The following SPIRE2 variants were observed in gnomAD, a reference collection of about 807,000 sequenced individuals.
SPIRE2 encodes the protein spire type actin nucleation factor 2, also known as protein spire homolog 2.
A neutral mutation model predicts 80.7 loss-of-function variants in SPIRE2; 76 were observed. The ratio of observed to expected loss-of-function variants is 0.94; its 90% CI spans 0.78 to 1.14. The LOEUF is 1.14. SPIRE2 is among the 50% of genes most tolerant of loss of function. The pLI is 0.00. For synonymous variants in SPIRE2, 535 were observed against 432.6 expected (o/e 1.24, Z -2.94); for missense variants, 1,196 against 1,015.3 (o/e 1.18, Z -2.42).
chr16:89,858,237 A>G (rs1265885774), intron 7 of SPIRE2, 101 bp from the exon 8 acceptor site: 1 of 1,250,302 alleles, frequency 8.0e-7, no homozygotes, highest in Non-Finnish European at 1.1e-6. Flanking sequence ...CCCTTCTGCA[A>G]AGTCAGGGAA....
chr16:89,848,046 G>A (rs1348320256), intron 2 of SPIRE2, among the ~76,000 whole-genome samples: 1 of 152,212 alleles, frequency 6.6e-6, no homozygotes, highest in African/African-American at 2.4e-5. Context: ...ACGAGCTGAG[G>A]CCAGCCCCAC....
intron 1 of SPIRE2, among the ~76,000 whole-genome samples, chr16:89,842,464 C>T (rs765935185): frequency 1.4e-3 from 207 of 152,230 alleles, no homozygotes; most frequent in African/African-American, 4.2e-3. Context: ...CCACCCACTT[C>T]GGCCTCCCGA....
In SPIRE2 at chr16:89,830,416, C is replaced by T. The variant is rs562922694; in HGVS notation, c.244+1622C>T. Among the ~76,000 whole-genome samples the T allele has an allele frequency of 1.4e-3, 211 of 151,366 alleles. 8 individuals carry two copies. The South Asian group carries it at 0.031, about 22-fold the overall frequency. The stretch of plus-strand genomic sequence containing the variant: ...AGGCGAATGAGTTTTATGACTTGCT[C>T]TCTCTTGAAGGTTTAAGAAAAATCT... On this transcript the variant is annotated intron_variant, in intron 1 of 14. Transcript: ENST00000378247.
chr16:89,851,639 ACTCT>A (rs2041628986), intron 3 of SPIRE2, among the ~76,000 whole-genome samples: 2 of 151,494 alleles, frequency 1.3e-5, no homozygotes, highest in African/African-American at 4.8e-5. Context: ...TCCCTCTCTG[ACTCT>A]CTCAGCCTCT....
chr16:89,858,906 C>T (rs2041717071), intron 8 of SPIRE2, among the ~76,000 whole-genome samples: 1 of 152,204 alleles, frequency 6.6e-6, no homozygotes, highest in Non-Finnish European at 1.5e-5. Flanking sequence ...TGGTGATGGC[C>T]TTGTTGGGGG....
Position 89,834,415 on chromosome 16 carries a change from C to T in SPIRE2, c.244+5621C>T, listed in dbSNP as rs1427707694. Among the ~76,000 whole-genome samples the T allele has an allele frequency of 1.9e-4, 19 of 99,734 alleles. 1 individual carries two copies. The highest frequency in any genetic ancestry group is 4.8e-4 in the African/African-American group (14 of 29,414). 65.4% of individuals were successfully genotyped at this position (99,734 alleles called of 152,430 possible). A position where few individuals can be genotyped will look rare whatever the true frequency, so the allele number is the denominator to read the frequency against. ...GCCCGTGTGAATCTGTGAACCTGCC[C>T]GCACTCGCGGTTGGCCATCGTAGAA... On this transcript the variant is annotated intron_variant, in intron 1 of 14. Transcript: ENST00000378247.
At position 89,856,194 on chromosome 16, in the gene SPIRE2, C is replaced by T. The variant is rs199970599; in HGVS notation, c.1060C>T (p.Arg354Trp). 1.4e-5 allele frequency: 23 copies of T among 1,601,922 alleles called. No homozygotes were observed. Among genetic ancestry groups the T allele is most frequent in the Admixed American group, 3.4e-5 (2 of 58,072 alleles). The change falls in exon 7 of 15, where the codon CGG becomes TGG. Residue 354 changes from arginine (R) to tryptophan (W), a missense_variant. Transcript: ENST00000378247. ...GATCCTGGAGGAGATCAAGCAGGAG[C>T]GGAGGCTGCGCCCGGTGCGGGGCGA... ...EKILEEIKQE[R>W]RLRPVRGEGW... is the part of the protein sequence containing the mutation.
In SPIRE2 at chr16:89,850,307, G is replaced by C; in HGVS notation, c.292G>C (p.Val98Leu). 1 of 1,602,366 alleles carries C rather than the reference G, an allele frequency of 6.2e-7. No individual in the cohort carries two copies. The highest frequency in any genetic ancestry group is 1.7e-5 in the Admixed American group (1 of 59,526). The change falls in exon 3 of 15, where the codon GTG (valine) becomes CTG (leucine). Residue 98 changes from valine to leucine, a missense_variant. Val to Leu is a conservative substitution (Grantham distance 32). Transcript: ENST00000378247. ...TGACCGCGCCCCTGTCCCGCAGACC[G>C]TGCAGTCCCTCGGCTTCGCCATCTA... ...VPLASSEAQT[V>L]QSLGFAIYRA...
At chr16:89,838,423 ATCGGCCTGCC>A (rs2041471991) in intron 1 of SPIRE2, among the ~76,000 whole-genome samples, 1 of 152,062 alleles carries the variant, frequency 6.6e-6, no homozygotes, top group Non-Finnish European at 1.5e-5. Flanking sequence ...ACCTCAGGTG[ATCGGCCTGCC>A]TCGGCCTCCC....
At position 89,858,417 on chromosome 16, in the gene SPIRE2, A is replaced by G; in HGVS notation, c.1182A>G (p.Thr394=). 1 of 1,612,122 alleles carries G rather than the reference A, an allele frequency of 6.2e-7. No homozygotes were observed. Among genetic ancestry groups the G allele is most frequent in the Non-Finnish European group, 8.5e-7 (1 of 1,179,624 alleles). The change falls in exon 8 of 15, where the codon ACA becomes ACG. Residue 394 remains threonine, a synonymous_variant. Coordinates refer to ENST00000378247, the MANE Select transcript of SPIRE2 (RefSeq NM_032451.2). ...KSTSCINLSV[T]DAGGSAQRPR... ...CCTCCTGCATCAACCTGTCAGTCAC[A>G]GATGCTGGGGGCAGCGCCCAGCGCC...
rs376787173 is a variant in SPIRE2, at chr16:89,865,965, C to CAAA, written c.1778+2124_1778+2126dup. 3.7e-3 allele frequency among the ~76,000 whole-genome samples: 214 copies of CAAA among 57,230 alleles called. 4 individuals are homozygous for CAAA. The highest frequency in any genetic ancestry group is 0.012 in the African/African-American group (168 of 14,148). 37.5% of individuals were successfully genotyped at this position (57,230 alleles called of 152,430 possible). On this transcript the variant is annotated intron_variant, in intron 12 of 14. Coordinates refer to ENST00000378247, the MANE Select transcript of SPIRE2 (RefSeq NM_032451.2). ...ACTGGGCAACAGAGGGAGACTGTCTCAAAAAAAAAAAAAAAAAAAAAAGGT... is the reference window on the plus strand; with the variant it reads ...ACTGGGCAACAGAGGGAGACTGTCTCAAAAAAAAAAAAAAAAAAAAAAAAAGGT...
In SPIRE2 at chr16:89,863,398, G is replaced by A; in HGVS notation, c.1576-78G>A. The stretch of plus-strand genomic sequence containing the variant: ...CTTGTTTAGGCTGAGGCCAGGGAGG[G>A]TTAGGGTCCTCAGGGAAGGAGAGTA... On this transcript the variant is annotated intron_variant, in intron 10 of 14. Transcript: ENST00000378247. This position sits in a 1 kb window ranked among gnomAD's most constrained non-coding sequence, Gnocchi z 4.3. The A allele has an allele frequency of 6.4e-7, 1 of 1,552,652 alleles. No homozygotes were observed. Among genetic ancestry groups the A allele is most frequent in the Non-Finnish European group, 8.8e-7 (1 of 1,134,524 alleles).
chr16:89,841,191 A>C (rs1407952449), intron 1 of SPIRE2, among the ~76,000 whole-genome samples: 1 of 151,852 alleles, frequency 6.6e-6, no homozygotes, highest in Admixed American at 6.6e-5. Context: ...TTCAAAAAAA[A>C]AAAAAAAGGA....
chr16:89,864,896 TTAATTA>T (rs748776133), intron 12 of SPIRE2, among the ~76,000 whole-genome samples: 24 of 152,200 alleles, frequency 1.6e-4, no homozygotes, highest in Non-Finnish European at 2.2e-4. Flanking sequence ...CAAGACAAAA[TTAATTA>T]CAATGTATTG....
Position 89,870,117 on chromosome 16 carries a change from G to C in SPIRE2, c.1990G>C (p.Val664Leu), listed in dbSNP as rs148201713. Residue 664 changes from valine (V) to leucine (L), a missense_variant, in exon 15 of 15, where the codon GTC (valine) becomes CTC (leucine). Transcript: ENST00000378247. ...CCCCCACATCTACTCCCACGGCTGTGTCCTGAAGGATGTCTGCAGTGAGTG... is the reference window on the plus strand; with the variant it reads ...CCCCCACATCTACTCCCACGGCTGTCTCCTGAAGGATGTCTGCAGTGAGTG... ...AFPHIYSHGC[V>L]LKDVCSECTS... is the part of the protein sequence containing the mutation. The C allele has an allele frequency of 4.3e-6, 7 of 1,613,458 alleles. No homozygotes were observed. The highest frequency in any genetic ancestry group is 5.9e-6 in the Non-Finnish European group (7 of 1,179,854).
chr16:89,848,132 C>T (rs975557027), intron 2 of SPIRE2, among the ~76,000 whole-genome samples: 6 of 152,232 alleles, frequency 3.9e-5, no homozygotes, highest in Non-Finnish European at 7.3e-5. Context: ...GTGTGAACAG[C>T]GGCTCTTCCA....
chr16:89,869,548 TCCTC>T lies in SPIRE2; in HGVS notation c.1807-14_1807-11del. ...TCTCTGGTGGTGCCTGGTTCATACC[TCCTC>T]CCTCTGTGCTGCAGATGAAGATGCC... On this transcript the variant is annotated splice_polypyrimidine_tract_variant and intron_variant, in intron 13 of 14. Coordinates refer to ENST00000378247, the MANE Select transcript of SPIRE2 (RefSeq NM_032451.2). 1 of 1,547,852 alleles carries T rather than the reference TCCTC, an allele frequency of 6.5e-7. No homozygotes were observed. The highest frequency in any genetic ancestry group is 1.1e-5 in the South Asian group (1 of 89,360).
chr16:89,859,567 AT>A (rs2041724027), intron 9 of SPIRE2, among the ~76,000 whole-genome samples: 1 of 152,150 alleles, frequency 6.6e-6, no homozygotes, highest in Non-Finnish European at 1.5e-5. Flanking sequence ...TTATAAAAAT[AT>A]TTTTTAATAT....
chr16:89,853,335 G>C (rs1428143160), intron 3 of SPIRE2, among the ~76,000 whole-genome samples: 3 of 152,222 alleles, frequency 2.0e-5, no homozygotes, highest in African/African-American at 7.2e-5. Context: ...AAACGGCTCT[G>C]TATGCAGGCA....
Sources: allele counts gnomAD v4.1 joint callset (sites outside exome capture counted in the v4.1 genomes callset), GRCh38; gene constraint gnomAD v4.1.1; non-coding constraint Gnocchi (gnomAD v3.1); transcripts MANE v1.5; gene names NCBI Gene and HGNC (gene_info 2026-07-23, HGNC 2026-07-21).